Variants in KSR1 observed in about 807,000 individuals in gnomAD.
KSR1 encodes kinase suppressor of ras.
A neutral mutation model predicts 92.9 loss-of-function variants in KSR1; 35 were observed. The ratio of observed to expected loss-of-function variants is 0.38; its 90% CI spans 0.29 to 0.50. The LOEUF (loss-of-function observed/expected upper bound fraction) is 0.50, where lower values mean the gene tolerates loss of function less well. Ranked by LOEUF, KSR1 falls within the 20% of genes least tolerant of loss-of-function variation. KSR1 has a pLI of 0.94. For synonymous variants in KSR1, 467 were observed against 472.6 expected (o/e 0.99, Z 0.15); for missense variants, 972 against 1,158.5 (o/e 0.84, Z 2.34).
intron 6 of KSR1, among the ~76,000 whole-genome samples, chr17:27,589,444 C>T (rs1384810971): frequency 6.6e-6 from 1 of 152,084 alleles, no homozygotes; most frequent in African/African-American, 2.4e-5. Flanking sequence ...CACAGCATCC[C>T]AACTGTGGCA....
chr17:27,582,152 G>A (rs949490645), intron 3 of KSR1, among the ~76,000 whole-genome samples: 6 of 152,092 alleles, frequency 3.9e-5, no homozygotes, highest in Non-Finnish European at 7.3e-5. Context: ...AGCCCTGCAC[G>A]AGCCAGTTCC....
At position 27,590,817 on chromosome 17, in the gene KSR1, CACCAAGTCCTGGCTGTCGCAGGTCTGCCA is replaced by C; in HGVS notation, c.1054_1082del (p.Thr352ArgfsTer31). 1 of 1,610,388 alleles carries C rather than the reference CACCAAGTCCTGGCTGTCGCAGGTCTGCCA, an allele frequency of 6.2e-7. No individual in the cohort carries two copies. Among genetic ancestry groups the C allele is most frequent in the South Asian group, 1.1e-5 (1 of 89,886 alleles). ...CTGTGTCCGCCCTCTGCAGGTTCTC[CACCAAGTCCTGGCTGTCGCAGGTCTGCCA>C]CGTGTGCCAGAAGAGCATGATATTT... On this transcript the variant is annotated frameshift_variant, in exon 7 of 21. Coordinates refer to ENST00000644974, the MANE Select transcript of KSR1 (RefSeq NM_001394583.1). LOFTEE classifies it high-confidence loss of function.
At chr17:27,552,544 C>A (rs1295421182) in intron 2 of KSR1, among the ~76,000 whole-genome samples, 1 of 152,080 alleles carries the variant, frequency 6.6e-6, no homozygotes, top group African/African-American at 2.4e-5. Flanking sequence ...GAACCCCCTT[C>A]CCAGCTATGC....
At chr17:27,608,434 C>G (rs909542905) in intron 15 of KSR1, among the ~76,000 whole-genome samples, 1 of 152,160 alleles carries the variant, frequency 6.6e-6, no homozygotes, top group African/African-American at 2.4e-5. Context: ...CACAGGAGCC[C>G]TGGGTCTGGT....
At chr17:27,495,652 G>A (rs1335300974) in intron 1 of KSR1, among the ~76,000 whole-genome samples, 1 of 152,200 alleles carries the variant, frequency 6.6e-6, no homozygotes, top group African/African-American at 2.4e-5. Flanking sequence ...ACACATGACT[G>A]CCAAGTGGGT....
chr17:27,599,027 G>A (rs2073449483), intron 10 of KSR1, among the ~76,000 whole-genome samples: 1 of 152,210 alleles, frequency 6.6e-6, no homozygotes, highest in Non-Finnish European at 1.5e-5. Context: ...AATGTTCTGA[G>A]AGAGAGATTC....
At chr17:27,522,531 T>G (rs565300228) in intron 1 of KSR1, among the ~76,000 whole-genome samples, 3 of 152,300 alleles carry the variant, frequency 2.0e-5, no homozygotes, top group African/African-American at 7.2e-5. Flanking sequence ...GGTGTTTCTT[T>G]CCAGCAGAGA....
At chr17:27,494,095 GTC>G (rs1167260980) in intron 1 of KSR1, among the ~76,000 whole-genome samples, 1 of 152,012 alleles carries the variant, frequency 6.6e-6, no homozygotes, top group African/African-American at 2.4e-5. Flanking sequence ...TGCTTGGGGA[GTC>G]TCTGTGAATT....
At chr17:27,527,100 T>G (rs986077453) in intron 1 of KSR1, 3 of 395,816 alleles carry the variant, frequency 7.6e-6, no homozygotes, top group African/African-American at 6.2e-5. Flanking sequence ...TTAAGGGCAA[T>G]AGTTCACACA....
chr17:27,507,563 C>CTTTTTTT (rs751092460), intron 1 of KSR1, among the ~76,000 whole-genome samples: 2 of 43,326 alleles, frequency 4.6e-5, no homozygotes, highest in African/African-American at 8.8e-5. Flanking sequence ...TATTGTTTGG[C>CTTTTTTT]TTTTTTTTTT....
chr17:27,457,888 A>T (rs370963751), intron 1 of KSR1, among the ~76,000 whole-genome samples: 1 of 149,672 alleles, frequency 6.7e-6, no homozygotes, highest in South Asian at 2.2e-4. Flanking sequence ...TTAGATCCTC[A>T]ATTTCTCCTC....
Position 27,585,883 on chromosome 17 carries a change from C to T in KSR1, c.985+222C>T. The T allele has an allele frequency of 5.0e-6, 3 of 602,150 alleles. No homozygotes were observed. The Admixed American group carries it at 7.8e-5, about 16-fold the overall frequency. 37.3% of individuals were successfully genotyped at this position (602,150 alleles called of 1,614,324 possible). A position where few individuals can be genotyped will look rare whatever the true frequency, so the allele number is the denominator to read the frequency against. On this transcript the variant is annotated intron_variant, in intron 5 of 20. Coordinates refer to ENST00000644974, the MANE Select transcript of KSR1 (RefSeq NM_001394583.1). ...CAGCTGGTGGCTGCTCTCTGAGAAT[C>T]AGAGACCTTGAGCACATCTCAGCCC...
In KSR1 at chr17:27,496,053, A is replaced by C. The variant is rs2068975768; in HGVS notation, c.231+39179A>C. Among the ~76,000 whole-genome samples the C allele has an allele frequency of 2.6e-5, 4 of 152,192 alleles. No homozygotes were observed. The East Asian group carries it at 7.7e-4, about 29-fold the overall frequency. ...TGCCCCCTACTCCATGAGCCGCCGC[A>C]AGATCTGGCTTGTTGGGACCTCATG... is the stretch of plus-strand genomic sequence containing the variant. On this transcript the variant is annotated intron_variant, in intron 1 of 20. Transcript: ENST00000644974.
chr17:27,462,009 T>A (rs1012453157), intron 1 of KSR1, among the ~76,000 whole-genome samples: 7 of 152,196 alleles, frequency 4.6e-5, no homozygotes, highest in Admixed American at 6.5e-5. Flanking sequence ...AAGAGGCTGG[T>A]TGAGATCTCT....
At chr17:27,504,264 G>A (rs1055426471) in intron 1 of KSR1, among the ~76,000 whole-genome samples, 2 of 152,222 alleles carry the variant, frequency 1.3e-5, no homozygotes, top group Non-Finnish European at 2.9e-5. Flanking sequence ...CTGTGAGGCT[G>A]GTCCGCAGTC....
intron 1 of KSR1, among the ~76,000 whole-genome samples, chr17:27,487,273 A>G (rs2068694080): frequency 6.6e-6 from 1 of 150,812 alleles, no homozygotes; most frequent in South Asian, 2.1e-4. Flanking sequence ...CGTCTCTACT[A>G]AAAATACAAA....
chr17:27,609,404 T>C lies in KSR1; in HGVS notation c.2225+75T>C, dbSNP rs965335002. On this transcript the variant is annotated intron_variant, in intron 16 of 20. Transcript: ENST00000644974. ...GAGCAGGGCTGAGGTCTGGGCACTT[T>C]CACTGTTTGTTGCTGAGCTGCAGCC... is the stretch of plus-strand genomic sequence containing the variant. 1.1e-5 allele frequency: 17 copies of C among 1,575,680 alleles called. No homozygotes were observed. The African/African-American group carries it at 1.8e-4, about 16-fold the overall frequency.
At position 27,503,184 on chromosome 17, in the gene KSR1, G is replaced by T. The variant is rs57261397; in HGVS notation, c.231+46310G>T. 7.6e-3 allele frequency among the ~76,000 whole-genome samples: 1,161 copies of T among 152,288 alleles called. 14 individuals are homozygous for T. Among genetic ancestry groups the T allele is most frequent in the African/African-American group, 0.026 (1,100 of 41,542 alleles). On this transcript the variant is annotated intron_variant, in intron 1 of 20. Coordinates refer to ENST00000644974, the MANE Select transcript of KSR1 (RefSeq NM_001394583.1). ...CTCTTTAATAAAGAGTATACTTCTT[G>T]TAAGTCTAAAGCAGAGGTTCTCAAC...
At chr17:27,526,306 T>C in intron 1 of KSR1, 1 of 990,192 alleles carries the variant, frequency 1.0e-6, no homozygotes, top group Non-Finnish European at 1.5e-6. Context: ...GTCGCTCTGT[T>C]ACAGGTTACT....
Sources: allele counts gnomAD v4.1 joint callset (sites outside exome capture counted in the v4.1 genomes callset), GRCh38; gene constraint gnomAD v4.1.1; transcripts MANE v1.5; gene names NCBI Gene and HGNC (gene_info 2026-07-23, HGNC 2026-07-21).